Variants in EXOC6B observed in about 807,000 individuals in gnomAD.
The protein encoded by EXOC6B is exocyst complex component 6B, also known as SEC15 homolog B.
In EXOC6B, 54 loss-of-function variants were observed where a neutral mutation model predicts 113.5. The ratio of observed to expected loss-of-function variants is 0.48; its 90% CI spans 0.38 to 0.60. The LOEUF is 0.60. Ranked by LOEUF, EXOC6B falls within the 20% of genes least tolerant of loss-of-function variation. The pLI is 0.00. For missense variants in EXOC6B, 797 were observed against 977.5 expected, an observed-to-expected ratio of 0.82 and a Z score of 2.46; for synonymous variants, 357 against 339.0, an observed-to-expected ratio of 1.05 and a Z score of -0.58.
intron 20 of EXOC6B, among the ~76,000 whole-genome samples, chr2:72,279,105 T>C (rs977763418): frequency 1.3e-5 from 2 of 152,326 alleles, no homozygotes. Context: ...TGCTCCATGA[T>C]ACCAAAAGGA....
chr2:72,395,663 T>A (rs1267439601), intron 18 of EXOC6B, among the ~76,000 whole-genome samples: 2 of 152,090 alleles, frequency 1.3e-5, no homozygotes, highest in Non-Finnish European at 2.9e-5. Flanking sequence ...AAGGAAGTGA[T>A]ATGGAGAGAA....
At chr2:72,396,483 A>G (rs628432) in intron 18 of EXOC6B, among the ~76,000 whole-genome samples, 54,634 of 152,094 alleles carry the variant, frequency 0.36, 15,916 homozygotes, top group African/African-American at 0.81. Flanking sequence ...ACAGCATAGA[A>G]CCAGAAAAAG....
intron 8 of EXOC6B, among the ~76,000 whole-genome samples, chr2:72,545,012 A>C (rs1702815563): frequency 6.6e-6 from 1 of 152,144 alleles, no homozygotes; most frequent in Non-Finnish European, 1.5e-5. Context: ...ACCAATTTAG[A>C]TGTTAATTCA....
At chr2:72,471,507 C>T (rs1240740874) in intron 17 of EXOC6B, among the ~76,000 whole-genome samples, 1 of 152,070 alleles carries the variant, frequency 6.6e-6, no homozygotes, top group Admixed American at 6.6e-5. Context: ...GTTGCCATTG[C>T]TTTTGGTGTT....
At chr2:72,369,156 C>A (rs1392440773) in intron 19 of EXOC6B, among the ~76,000 whole-genome samples, 4 of 152,212 alleles carry the variant, frequency 2.6e-5, no homozygotes, top group African/African-American at 9.6e-5. Context: ...TGATAAGCAA[C>A]TTCAGCAAAG....
intron 19 of EXOC6B, among the ~76,000 whole-genome samples, chr2:72,343,563 A>G (rs528051101): frequency 6.6e-4 from 101 of 152,186 alleles, no homozygotes; most frequent in Non-Finnish European, 1.1e-3. Flanking sequence ...CTTCCATTTC[A>G]CTTTGTAGGA....
intron 7 of EXOC6B, among the ~76,000 whole-genome samples, chr2:72,568,658 A>AC (rs1200661009): frequency 1.3e-5 from 2 of 152,062 alleles, no homozygotes; most frequent in Non-Finnish European, 2.9e-5. Flanking sequence ...CATATGTGTA[A>AC]CTTTTCTGAA....
rs117142052 is a variant in EXOC6B at position 72,748,182 on chromosome 2, T to G, written c.114-6713A>C. The stretch of plus-strand genomic sequence containing the variant: ...ACAATGAACTGAACATTTTGGTTTT[T>G]GTTTTTGATTAATTCAAGGAAAAAT... On this transcript the variant is annotated intron_variant, in intron 1 of 21. Coordinates refer to ENST00000272427, the MANE Select transcript of EXOC6B (RefSeq NM_015189.3). Among the ~76,000 whole-genome samples, 432 of 152,200 alleles carry G rather than the reference T, an allele frequency of 2.8e-3. 14 individuals are homozygous for G. In the East Asian group the frequency reaches 0.062, roughly 22 times the overall value.
intron 21 of EXOC6B, among the ~76,000 whole-genome samples, chr2:72,181,072 G>A (rs1678053448): frequency 6.6e-6 from 1 of 152,058 alleles, no homozygotes; most frequent in Non-Finnish European, 1.5e-5. Context: ...GGCCGGGTGT[G>A]GTGGCAGGTG....
chr2:72,625,504 AT>A (rs1480872300), intron 6 of EXOC6B, among the ~76,000 whole-genome samples: 2 of 152,170 alleles, frequency 1.3e-5, no homozygotes, highest in African/African-American at 4.8e-5. Context: ...TTTCCTGTCC[AT>A]AAAGAGGACA....
chr2:72,761,484 C>A (rs1238973482), intron 1 of EXOC6B, among the ~76,000 whole-genome samples: 1 of 151,982 alleles, frequency 6.6e-6, no homozygotes, highest in Admixed American at 6.5e-5. Context: ...TATAAGGTAA[C>A]TTGATTATTT....
At chr2:72,687,010 C>A (rs571598625) in intron 6 of EXOC6B, among the ~76,000 whole-genome samples, 1 of 151,704 alleles carries the variant, frequency 6.6e-6, no homozygotes, top group Non-Finnish European at 1.5e-5. Flanking sequence ...TGGTGGCGGG[C>A]GCCTGTAGTC....
intron 18 of EXOC6B, among the ~76,000 whole-genome samples, chr2:72,409,355 TC>T (rs1208115948): frequency 6.6e-6 from 1 of 152,196 alleles, no homozygotes; most frequent in African/African-American, 2.4e-5. Context: ...GACCCAGCCA[TC>T]CCATTACTGG....
chr2:72,458,139 A>G (rs993229782), intron 18 of EXOC6B, among the ~76,000 whole-genome samples: 4 of 152,144 alleles, frequency 2.6e-5, no homozygotes, highest in Admixed American at 6.5e-5. Context: ...CTATCAATCA[A>G]TCCCTCTCTG....
At chr2:72,726,511 A>G (rs1680308367) in intron 5 of EXOC6B, among the ~76,000 whole-genome samples, 1 of 152,208 alleles carries the variant, frequency 6.6e-6, no homozygotes, top group Non-Finnish European at 1.5e-5. Context: ...AATACCAGAT[A>G]CAAACTTGGA....
intron 18 of EXOC6B, among the ~76,000 whole-genome samples, chr2:72,412,944 TTC>T (rs1694271472): frequency 6.6e-6 from 1 of 151,798 alleles, no homozygotes; most frequent in Non-Finnish European, 1.5e-5. Context: ...CTTTCTCTCT[TTC>T]TCTCCCTCTC....
At chr2:72,579,718 AAAT>A (rs915894502) in intron 6 of EXOC6B, among the ~76,000 whole-genome samples, 15 of 152,312 alleles carry the variant, frequency 9.8e-5, no homozygotes, top group South Asian at 4.1e-4. Flanking sequence ...AGAGAGTTAA[AAAT>A]AATAAGAATC....
At chr2:72,824,682 G>A (rs1256439854) in intron 1 of EXOC6B, among the ~76,000 whole-genome samples, 1 of 152,164 alleles carries the variant, frequency 6.6e-6, no homozygotes, top group Non-Finnish European at 1.5e-5. Flanking sequence ...AGGAGGGTAG[G>A]ATAGTTATCT....
chr2:72,367,856 C>A (rs1572978924), intron 19 of EXOC6B, among the ~76,000 whole-genome samples: 3 of 152,134 alleles, frequency 2.0e-5, no homozygotes, highest in Admixed American at 2.0e-4. Context: ...TGGACCAGCC[C>A]TAGCCAAAGG....
Sources: gnomAD v4.1 joint callset for allele counts (sites outside exome capture counted in the v4.1 genomes callset) on GRCh38, gnomAD v4.1.1 for gene constraint, MANE v1.5 for transcripts, NCBI Gene and HGNC (gene_info 2026-07-23, HGNC 2026-07-21) for gene names.